Variants in DOCK2 observed in about 807,000 individuals in gnomAD.
DOCK2 encodes dedicator of cytokinesis 2.
In DOCK2, 87 loss-of-function variants were observed where a neutral mutation model predicts 248.9. The observed-to-expected ratio is 0.35, with a 90% CI of 0.29 to 0.42. The LOEUF is 0.42. DOCK2 is among the 10% of genes least tolerant of loss of function. The pLI is 1.00. For missense variants in DOCK2, 1,747 were observed against 2,300.2 expected (o/e 0.76, Z 4.92); for synonymous variants, 805 against 821.6 (o/e 0.98, Z 0.35).
At chr5:170,071,127 C>T (rs1757667224) in intron 46 of DOCK2, among the ~76,000 whole-genome samples, 1 of 152,174 alleles carries the variant, frequency 6.6e-6, no homozygotes, top group African/African-American at 2.4e-5. Flanking sequence ...TATGGGCACC[C>T]GCATGCAAAA....
At chr5:170,042,502 G>A (rs901354829) in intron 38 of DOCK2, among the ~76,000 whole-genome samples, 9 of 152,164 alleles carry the variant, frequency 5.9e-5, no homozygotes, top group Non-Finnish European at 1.2e-4. Context: ...TCCTTCCCAT[G>A]GCCCATGAGG....
Position 169,905,074 on chromosome 5 carries a change from G to A in DOCK2, c.2799+64222G>A, listed in dbSNP as rs532170975. The stretch of plus-strand genomic sequence containing the variant: ...GGGGCTGAGGTCAGGATTCAGGGAG[G>A]CCGTGCAGAGTGCTCAGTAAATATG... On this transcript the variant is annotated intron_variant, in intron 27 of 51. Coordinates refer to ENST00000520908, the MANE Select transcript of DOCK2 (RefSeq NM_004946.3). 1.1e-4 allele frequency among the ~76,000 whole-genome samples: 16 copies of A among 152,332 alleles called. No homozygotes were observed. The South Asian group carries it at 3.1e-3, about 30-fold the overall frequency.
chr5:169,693,016 T>A (rs542471017), intron 9 of DOCK2, among the ~76,000 whole-genome samples: 1 of 152,218 alleles, frequency 6.6e-6, no homozygotes, highest in East Asian at 1.9e-4. Context: ...GGGGTGTGTG[T>A]GTGGGGGTGG....
intron 34 of DOCK2, 95 bp downstream of exon 34, chr5:170,028,043 C>T (rs1271192017): frequency 3.6e-6 from 4 of 1,107,390 alleles, no homozygotes; most frequent in Admixed American, 4.8e-5. Flanking sequence ...GCTCTGTCCT[C>T]CCCTGGAGAT....
At chr5:169,994,033 A>G (rs898781655) in intron 29 of DOCK2, among the ~76,000 whole-genome samples, 6 of 152,210 alleles carry the variant, frequency 3.9e-5, no homozygotes, top group Admixed American at 2.0e-4. Context: ...CAATTGGAAG[A>G]ATAGAATTGT....
At chr5:169,644,023 A>G (rs929704385) in intron 1 of DOCK2, among the ~76,000 whole-genome samples, 1 of 152,106 alleles carries the variant, frequency 6.6e-6, no homozygotes, top group Non-Finnish European at 1.5e-5. Flanking sequence ...CGAATAGCCA[A>G]TATAAAGAGG....
intron 14 of DOCK2, among the ~76,000 whole-genome samples, chr5:169,705,680 G>C (rs1389954272): frequency 6.6e-6 from 1 of 152,164 alleles, no homozygotes; most frequent in East Asian, 1.9e-4. Flanking sequence ...CCTACCTTAG[G>C]CATGCTAATC....
chr5:169,845,314 C>T lies in DOCK2; in HGVS notation c.2799+4462C>T, dbSNP rs540496965. 7.0e-4 allele frequency among the ~76,000 whole-genome samples: 106 copies of T among 152,004 alleles called. 1 individual carries two copies. In the South Asian group the frequency reaches 0.01, roughly 14 times the overall value. On this transcript the variant is annotated intron_variant, in intron 27 of 51. Transcript: ENST00000520908. ...CCTCTGTCCCTTGCCCTGTGTTCTC[C>T]GAGGCCCTGTGCATACTTAGGTCAC...
intron 5 of DOCK2, among the ~76,000 whole-genome samples, chr5:169,672,063 A>G (rs763010622): frequency 5.9e-5 from 9 of 151,570 alleles, no homozygotes; most frequent in Non-Finnish European, 1.3e-4. Flanking sequence ...CTGGAGTGCA[A>G]TGGCATGATC....
At chr5:169,960,601 G>A (rs1777043930) in intron 27 of DOCK2, among the ~76,000 whole-genome samples, 1 of 152,164 alleles carries the variant, frequency 6.6e-6, no homozygotes, top group African/African-American at 2.4e-5. Context: ...CAATAATGGA[G>A]GGCCAGCCAT....
intron 19 of DOCK2, 86 bp downstream of exon 19, chr5:169,714,543 G>A: frequency 1.4e-6 from 2 of 1,434,586 alleles, no homozygotes; most frequent in Non-Finnish European, 1.9e-6. Flanking sequence ...ACAAGGTATT[G>A]AAGGACATGG....
intron 22 of DOCK2, among the ~76,000 whole-genome samples, chr5:169,741,885 C>T (rs188344338): frequency 1.0e-4 from 15 of 150,662 alleles, no homozygotes; most frequent in African/African-American, 3.2e-4. Flanking sequence ...TCTCAGCTTA[C>T]CGCAAGCTCT....
intron 25 of DOCK2, among the ~76,000 whole-genome samples, chr5:169,790,931 A>G (rs1006841375): frequency 2.6e-5 from 4 of 152,182 alleles, no homozygotes; most frequent in Admixed American, 2.6e-4. Flanking sequence ...TGATTAGGTA[A>G]AACGGCTCAG....
chr5:169,822,830 A>T (rs1242631251), intron 26 of DOCK2, among the ~76,000 whole-genome samples: 2 of 152,210 alleles, frequency 1.3e-5, no homozygotes, highest in Admixed American at 1.3e-4. Context: ...CGAATCCAGG[A>T]GCTGGTTTTT....
intron 25 of DOCK2, among the ~76,000 whole-genome samples, chr5:169,782,375 G>T (rs894159023): frequency 2.0e-5 from 3 of 152,058 alleles, no homozygotes; most frequent in Non-Finnish European, 4.4e-5. Context: ...AACTGTGGTT[G>T]TAGTCTCCTT....
At chr5:170,055,465 A>T in intron 42 of DOCK2, 79 bp downstream of exon 42, 2 of 1,313,612 alleles carry the variant, frequency 1.5e-6, no homozygotes, top group Non-Finnish European at 2.2e-6. Flanking sequence ...GTGGCAGAAC[A>T]GACCCCAGTG....
chr5:169,876,873 C>G (rs1772365867), intron 27 of DOCK2, among the ~76,000 whole-genome samples: 1 of 152,210 alleles, frequency 6.6e-6, no homozygotes, highest in Non-Finnish European at 1.5e-5. Context: ...TTAATAGAGT[C>G]ATTTCTTTCT....
At chr5:169,671,034 C>A (rs374237582) in intron 4 of DOCK2, 44 bp from the exon 5 acceptor site, 1 of 1,564,234 alleles carries the variant, frequency 6.4e-7, no homozygotes, top group Non-Finnish European at 8.8e-7. Flanking sequence ...CTTGTTAGCA[C>A]CTGGGTCTCA....
At chr5:170,075,165 C>T (rs955407137) in intron 46 of DOCK2, among the ~76,000 whole-genome samples, 1 of 152,168 alleles carries the variant, frequency 6.6e-6, no homozygotes, top group Non-Finnish European at 1.5e-5. Flanking sequence ...TCATAATCTA[C>T]CCCTTTGCTC....
Sources: gnomAD v4.1 joint callset for allele counts (sites outside exome capture counted in the v4.1 genomes callset) on GRCh38, gnomAD v4.1.1 for gene constraint, MANE v1.5 for transcripts, NCBI Gene and HGNC (gene_info 2026-07-23, HGNC 2026-07-21) for gene names.